Variants in OBSL1 observed in about 807,000 individuals in gnomAD.
The protein encoded by OBSL1 is obscurin-like protein 1.
In OBSL1, 160 loss-of-function variants were observed where a neutral mutation model predicts 172.0. The ratio of observed to expected loss-of-function variants is 0.93; its 90% CI spans 0.82 to 1.06. OBSL1 has a LOEUF of 1.06. Among genes scored for constraint, OBSL1 ranks in the 50% least tolerant of loss-of-function variants. The probability of loss-of-function intolerance (pLI) is 0.00; values close to 1 mark genes in which losing one functional copy is unlikely to be tolerated. For synonymous variants in OBSL1, 1,200 were observed against 1,196.3 expected (o/e 1.00, Z -0.06); for missense variants, 2,681 against 2,715.4 (o/e 0.99, Z 0.28).
chr2:219,567,470 G>T lies in OBSL1; in HGVS notation c.1640C>A (p.Thr547Asn). The T allele has an allele frequency of 6.2e-7, 1 of 1,613,674 alleles. No individual in the cohort carries two copies. Among genetic ancestry groups the T allele is most frequent in the Admixed American group, 1.7e-5 (1 of 59,984 alleles). ...TWKPPEPAPE[T>N]PFIYRLERQE... ...CCGCTCCAGCCGGTAGATGAATGGG[G>T]TCTCGGGAGCTGGCTCGGGAGGCTT... The change falls in exon 4 of 21, where the codon ACC (threonine) becomes AAC (asparagine). Residue 547 changes from threonine (T) to asparagine (N), a missense_variant. Coordinates refer to ENST00000404537, the MANE Select transcript of OBSL1 (RefSeq NM_015311.3).
In OBSL1 at chr2:219,566,997, C is replaced by A. The variant is rs751614020; in HGVS notation, c.1967G>T (p.Ser656Ile). 6.2e-7 allele frequency: 1 copy of A among 1,613,762 alleles called. No homozygotes were observed. Among genetic ancestry groups the A allele is most frequent in the Admixed American group, 1.7e-5 (1 of 60,020 alleles). Reference sequence around the variant, plus strand: ...TTCCACCTGGCCCTCCGGCTCGTTACTCTTGAGCTCTTCCCCATTAAGGAA... The same window carrying A: ...TTCCACCTGGCCCTCCGGCTCGTTAATCTTGAGCTCTTCCCCATTAAGGAA... ...TWFLNGEELK[S>I]NEPEGQVEPG... The change falls in exon 5 of 21, where the codon AGT becomes ATT. Residue 656 changes from serine (S) to isoleucine (I), a missense_variant. By Grantham distance (142) the Ser-to-Ile change is moderately radical. Coordinates refer to ENST00000404537, the MANE Select transcript of OBSL1 (RefSeq NM_015311.3).
downstream of OBSL1, chr2:219,549,459 G>C: frequency 7.2e-7 from 1 of 1,392,412 alleles, no homozygotes; most frequent in Non-Finnish European, 9.7e-7. Flanking sequence ...TAGAAGGCCT[G>C]TTTGTCCATG....
chr2:219,552,611 C>T lies in OBSL1; in HGVS notation c.5233G>A (p.Val1745Ile). 1 of 1,575,984 alleles carries T rather than the reference C, an allele frequency of 6.3e-7. No homozygotes were observed. The highest frequency in any genetic ancestry group is 8.6e-7 in the Non-Finnish European group (1 of 1,167,340). ...GATFECTVSEVETTGRWELGG... is the reference protein window; with the variant it reads ...GATFECTVSEIETTGRWELGG... ...AGCTCCCAGCGCCCCGTGGTCTCGA[C>T]CTCCGACACGGTGCACTCGAACGTA... The change falls in exon 18 of 21, where the codon GTC becomes ATC. Residue 1745 changes from valine (V) to isoleucine (I), a missense_variant. Transcript: ENST00000404537.
Position 219,565,592 on chromosome 2 carries a change from C to G in OBSL1, c.2135-78G>C, listed in dbSNP as rs1696827494. 4 of 1,437,390 alleles carry G rather than the reference C, an allele frequency of 2.8e-6. No individual in the cohort carries two copies. In the East Asian group the frequency reaches 9.2e-5, roughly 33 times the overall value. The allele number at this position is 1,437,390 out of a possible 1,614,324, so 89.0% of individuals were successfully genotyped here. Reference sequence around the variant, plus strand: ...GTGTCGGATGCATCAGAGGGAACAACTGCTGTTGTTGGGGTTTTTAAAAAT... The same window carrying G: ...GTGTCGGATGCATCAGAGGGAACAAGTGCTGTTGTTGGGGTTTTTAAAAAT... On this transcript the variant is annotated intron_variant, in intron 5 of 20. Coordinates refer to ENST00000404537, the MANE Select transcript of OBSL1 (RefSeq NM_015311.3).
Position 219,562,427 on chromosome 2 carries a change from C to T in OBSL1, c.2928G>A (p.Ser976=), listed in dbSNP as rs768535282. The T allele has an allele frequency of 8.0e-5, 129 of 1,613,652 alleles. 2 individuals are homozygous for T. The Admixed American group carries it at 1.5e-3, about 19-fold the overall frequency. The change falls in exon 8 of 21, where the codon TCG becomes TCA. Residue 976 remains serine, a synonymous_variant. Transcript: ENST00000404537. ...CTGTGACGGTGACAGTGAAGGAGGC[C>T]GACTCATCGTCAATTTCACACAAGT... ...GEYLCEIDDE[S]ASFTVTVTEP...
intron 6 of OBSL1, 68 bp from the exon 7 acceptor site, chr2:219,563,695 C>T: frequency 6.6e-7 from 1 of 1,510,058 alleles, no homozygotes; most frequent in Non-Finnish European, 9.1e-7. Context: ...AGCTGTGTGG[C>T]CAGGAGACAC....
chr2:219,549,773 G>A (rs922537378), downstream of OBSL1: 8 of 1,614,096 alleles, frequency 5.0e-6, no homozygotes, highest in East Asian at 4.5e-5. Context: ...GCTCCTTCAT[G>A]GCCTCACCCA....
At chr2:219,557,789 C>T (rs1696139054) in intron 11 of OBSL1, 34 bp downstream of exon 11, 2 of 1,569,734 alleles carry the variant, frequency 1.3e-6, no homozygotes, top group South Asian at 2.3e-5. Flanking sequence ...AGGCTTGGTG[C>T]CACTCTCAGG....
chr2:219,551,494 C>A, intron 20 of OBSL1, 35 bp downstream of exon 20: 1 of 1,541,438 alleles, frequency 6.5e-7, no homozygotes, highest in Non-Finnish European at 8.8e-7. Flanking sequence ...CAGGCGCCCT[C>A]ACCCTCCTGC....
Position 219,550,740 on chromosome 2 carries a change from C to T in OBSL1, c.*95G>A. 6.6e-7 allele frequency: 1 copy of T among 1,508,688 alleles called. No homozygotes were observed. Among genetic ancestry groups the T allele is most frequent in the South Asian group, 1.2e-5 (1 of 83,412 alleles). 93.5% of individuals were successfully genotyped at this position (1,508,688 alleles called of 1,614,324 possible). Reference sequence around the variant, plus strand: ...AGAGGCAAGGAAATGAGCTGTAGCACTTTTATTGTTCCTTGTCTCTCTACC... The same window carrying T: ...AGAGGCAAGGAAATGAGCTGTAGCATTTTTATTGTTCCTTGTCTCTCTACC... On this transcript the variant is annotated 3_prime_UTR_variant, in exon 21 of 21. Transcript: ENST00000404537.
downstream of OBSL1, chr2:219,550,715 A>G: frequency 7.3e-7 from 1 of 1,361,510 alleles, no homozygotes; most frequent in South Asian, 1.3e-5. Flanking sequence ...CATCACTCAG[A>G]GAGGCAAGGA....
chr2:219,553,613 G>T lies in OBSL1; in HGVS notation c.4950C>A (p.Cys1650Ter), dbSNP rs556686718. ...VTEGDTATFE[C>*]ELSQALADVT... is the part of the protein sequence containing the mutation. ...CATCAGCCAAAGCTTGGGAAAGCTCGCACTCGAACGTAGCTGTGTCGCCCT... is the reference window on the plus strand; with the variant it reads ...CATCAGCCAAAGCTTGGGAAAGCTCTCACTCGAACGTAGCTGTGTCGCCCT... The change falls in exon 16 of 21, where the codon TGC (cysteine) becomes TGA (stop). Residue 1650 changes from cysteine (C) to a stop codon, truncating the protein, a stop_gained. Transcript: ENST00000404537. LOFTEE classifies it high-confidence loss of function. 4 of 1,613,882 alleles carry T rather than the reference G, an allele frequency of 2.5e-6. No homozygotes were observed. The highest frequency in any genetic ancestry group is 3.4e-6 in the Non-Finnish European group (4 of 1,179,864).
intron 16 of OBSL1, among the ~76,000 whole-genome samples, chr2:219,553,231 C>T (rs1695763848): frequency 6.6e-6 from 1 of 152,162 alleles, no homozygotes; most frequent in African/African-American, 2.4e-5. Context: ...CCTTTGGGGA[C>T]CTTAGGGCCG....
intron 12 of OBSL1, 196 bp downstream of exon 12, chr2:219,557,147 C>T: frequency 1.8e-6 from 1 of 543,870 alleles, no homozygotes; most frequent in Non-Finnish European, 3.1e-6. Context: ...CTGCTTTTAA[C>T]CACTGGTTTA....
chr2:219,570,846 G>C lies in OBSL1; in HGVS notation c.387C>G (p.Val129=), dbSNP rs1310614114. ...PSPGSGEGAP[V]FLTGPRSQWV... is the part of the protein sequence containing the mutation. Reference sequence around the variant, plus strand: ...ACTGGGATCGAGGCCCCGTGAGGAAGACCGGGGCGCCCTCCCCGGACCCCG... The same window carrying C: ...ACTGGGATCGAGGCCCCGTGAGGAACACCGGGGCGCCCTCCCCGGACCCCG... Residue 129 remains valine, a synonymous_variant, in exon 1 of 21, where the codon GTC becomes GTG. Coordinates refer to ENST00000404537, the MANE Select transcript of OBSL1 (RefSeq NM_015311.3). 2.1e-6 allele frequency: 3 copies of C among 1,446,140 alleles called. No individual in the cohort carries two copies. Among genetic ancestry groups the C allele is most frequent in the South Asian group, 1.4e-5 (1 of 70,306 alleles). 89.6% of individuals were successfully genotyped at this position (1,446,140 alleles called of 1,614,324 possible).
Position 219,567,142 on chromosome 2 carries a change from A to G in OBSL1, c.1838-16T>C. On this transcript the variant is annotated splice_polypyrimidine_tract_variant and intron_variant, in intron 4 of 20. Transcript: ENST00000404537. ...GCTGTGGGCACTGAGGCAGGGACAG[A>G]GTGCAGCTGTCAGAACTAGAAGGTG... is the stretch of plus-strand genomic sequence containing the variant. 6.2e-7 allele frequency: 1 copy of G among 1,609,962 alleles called. No individual in the cohort carries two copies. Among genetic ancestry groups the G allele is most frequent in the Non-Finnish European group, 8.5e-7 (1 of 1,177,372 alleles).
At chr2:219,561,798 C>T (rs1365448665) in intron 8 of OBSL1, 28 of 701,744 alleles carry the variant, frequency 4.0e-5, no homozygotes, top group Admixed American at 8.2e-5. Flanking sequence ...GTTAGGTTAG[C>T]GGCTGAAGCA....
rs764250424 is a variant in OBSL1, at chr2:219,556,718, G to T, written c.4072C>A (p.Leu1358Met). 1.2e-6 allele frequency: 2 copies of T among 1,601,552 alleles called. No individual in the cohort carries two copies. Among genetic ancestry groups the T allele is most frequent in the South Asian group, 2.2e-5 (2 of 90,466 alleles). Residue 1358 changes from leucine to methionine, a missense_variant, in exon 13 of 21, where the codon CTG becomes ATG. This residue lies in a region of OBSL1 where 1,765 missense variants were observed against 1,748.3 expected (regional missense o/e 1.01). Transcript: ENST00000404537. ...AGCTCCGAGACCAGCTTCACCAGCA[G>T]TGGCTCTAAGGGGCACGGTAAGGCA... is the stretch of plus-strand genomic sequence containing the variant. The part of the protein sequence containing the change: ...RIFLVSVEEP[L>M]LVKLVSELTP...
At position 219,566,916 on chromosome 2, in the gene OBSL1, A is replaced by C; in HGVS notation, c.2048T>G (p.Leu683Arg). Residue 683 changes from leucine to arginine, a missense_variant, in exon 5 of 21, where the codon CTG becomes CGG. Coordinates refer to ENST00000404537, the MANE Select transcript of OBSL1 (RefSeq NM_015311.3). Reference protein sequence around the residue: ...EQKGLQHRLILHAVKHQDSGA... With the variant: ...EQKGLQHRLIRHAVKHQDSGA... ...GCTGTCCTGGTGCTTGACGGCATGCAGGATGAGTCTGTGCTGCAGACCCTT... is the reference window on the plus strand; with the variant it reads ...GCTGTCCTGGTGCTTGACGGCATGCCGGATGAGTCTGTGCTGCAGACCCTT... 1 of 1,611,568 alleles carries C rather than the reference A, an allele frequency of 6.2e-7. No homozygotes were observed. The highest frequency in any genetic ancestry group is 8.5e-7 in the Non-Finnish European group (1 of 1,177,938).
Sources: allele counts gnomAD v4.1 joint callset (sites outside exome capture counted in the v4.1 genomes callset), GRCh38; gene constraint gnomAD v4.1.1; regional missense constraint gnomAD v4.1.1; transcripts MANE v1.5; gene names NCBI Gene and HGNC (gene_info 2026-07-23, HGNC 2026-07-21).